The following MCC variants were observed in gnomAD, a reference collection of about 807,000 sequenced individuals.
The protein encoded by MCC is MCC regulator of Wnt signaling pathway.
Under a neutral mutation model 116.2 loss-of-function variants are expected in MCC, and 90 were observed. The ratio of observed to expected loss-of-function variants is 0.77; its 90% CI spans 0.65 to 0.92. MCC has a LOEUF of 0.92. MCC is among the 40% of genes least tolerant of loss of function. MCC has a pLI of 0.00. For missense variants in MCC, 1,516 were observed against 1,312.2 expected (o/e 1.16, Z -2.40); for synonymous variants, 578 against 510.5 (o/e 1.13, Z -1.78).
At chr5:113,068,003 G>A in intron 13 of MCC, 77 bp downstream of exon 13, 1 of 1,255,304 alleles carries the variant, frequency 8.0e-7, no homozygotes, top group Non-Finnish European at 1.2e-6. Flanking sequence ...ATGATTCAAT[G>A]CCAGTTGCTG....
At chr5:113,136,001 C>A (rs578262063) in intron 5 of MCC, among the ~76,000 whole-genome samples, 41 of 151,540 alleles carry the variant, frequency 2.7e-4, no homozygotes, top group Non-Finnish European at 5.5e-4. Context: ...GCCCAGATTG[C>A]GCCACTGCAC....
rs139429540 is a variant in MCC at position 113,343,590 on chromosome 5, C to T, written c.416-2860G>A. On this transcript the variant is annotated intron_variant, in intron 2 of 18. Coordinates refer to ENST00000408903, the MANE Select transcript of MCC (RefSeq NM_001085377.2). ...GTCACAGACGGACTTATATCTCATA[C>T]ATAAGACAAACAGACAGAGGGCTGG... Among the ~76,000 whole-genome samples, 234 of 152,306 alleles carry T rather than the reference C, an allele frequency of 1.5e-3. 2 individuals are homozygous for T. The highest frequency in any genetic ancestry group is 3.0e-3 in the Non-Finnish European group (201 of 68,014).
chr5:113,373,036 G>A (rs989796941), intron 2 of MCC, among the ~76,000 whole-genome samples: 4 of 151,948 alleles, frequency 2.6e-5, no homozygotes, highest in African/African-American at 9.7e-5. Context: ...AAAATTAGCC[G>A]GGCATGGTGG....
intron 3 of MCC, among the ~76,000 whole-genome samples, chr5:113,275,956 A>T (rs7729163): frequency 6.7e-6 from 1 of 148,220 alleles, no homozygotes; most frequent in African/African-American, 2.5e-5. Context: ...TCTAAAATTG[A>T]TTTCACTTGT....
intron 14 of MCC, among the ~76,000 whole-genome samples, chr5:113,061,323 G>C (rs1435946900): frequency 6.6e-6 from 1 of 152,184 alleles, no homozygotes; most frequent in African/African-American, 2.4e-5. Flanking sequence ...CAGTTCCTTT[G>C]TGGATTGAGA....
At chr5:113,204,166 G>T (rs571562032) in intron 3 of MCC, among the ~76,000 whole-genome samples, 38 of 152,248 alleles carry the variant, frequency 2.5e-4, no homozygotes, top group African/African-American at 9.1e-4. Context: ...TGGTCTTGAC[G>T]GTTTGCAAGA....
intron 2 of MCC, among the ~76,000 whole-genome samples, chr5:113,344,463 G>A (rs1201900998): frequency 1.3e-5 from 2 of 152,030 alleles, no homozygotes; most frequent in Admixed American, 6.6e-5. Context: ...TTGGCTAAGA[G>A]AGGGCTTGCA....
At chr5:113,203,596 C>T (rs975959576) in intron 3 of MCC, among the ~76,000 whole-genome samples, 30 of 152,118 alleles carry the variant, frequency 2.0e-4, no homozygotes, top group Non-Finnish European at 3.7e-4. Context: ...GATCACTTGG[C>T]GTGATTATTT....
At chr5:113,035,538 G>A (rs1456096053) in intron 17 of MCC, among the ~76,000 whole-genome samples, 2 of 152,200 alleles carry the variant, frequency 1.3e-5, no homozygotes, top group Non-Finnish European at 2.9e-5. Context: ...GGACCTCTAA[G>A]GCCCTGCTTG....
intron 3 of MCC, among the ~76,000 whole-genome samples, chr5:113,239,787 C>T (rs987474341): frequency 1.3e-5 from 2 of 152,054 alleles, no homozygotes; most frequent in Non-Finnish European, 2.9e-5. Context: ...GTCAGATTTC[C>T]CACGGTGAAC....
chr5:113,096,350 T>C (rs1246086815), intron 8 of MCC, among the ~76,000 whole-genome samples: 1 of 152,172 alleles, frequency 6.6e-6, no homozygotes, highest in African/African-American at 2.4e-5. Context: ...GCCAGGGTGC[T>C]ACACCCCATT....
intron 1 of MCC, among the ~76,000 whole-genome samples, chr5:113,393,957 T>C (rs942698437): frequency 1.3e-5 from 2 of 152,214 alleles, no homozygotes; most frequent in African/African-American, 4.8e-5. Flanking sequence ...ACAGATAATC[T>C]AATCTAAATC....
chr5:113,180,525 T>C (rs1761572681), intron 3 of MCC, among the ~76,000 whole-genome samples: 4 of 152,204 alleles, frequency 2.6e-5, no homozygotes, highest in African/African-American at 7.2e-5. Flanking sequence ...CAGGAGACTA[T>C]TCTTCTAGTT....
At chr5:113,096,196 G>T (rs1756004730) in intron 8 of MCC, among the ~76,000 whole-genome samples, 1 of 152,234 alleles carries the variant, frequency 6.6e-6, no homozygotes, top group Admixed American at 6.5e-5. Flanking sequence ...AAAGCCTGTA[G>T]CTCTTTCTCT....
intron 1 of MCC, among the ~76,000 whole-genome samples, chr5:113,464,707 G>C (rs1477517272): frequency 6.6e-6 from 1 of 151,732 alleles, no homozygotes; most frequent in Non-Finnish European, 1.5e-5. Context: ...AGAGTCACTA[G>C]TACATAGTAT....
chr5:113,081,013 T>C (rs1035951769), intron 11 of MCC, among the ~76,000 whole-genome samples: 3 of 152,178 alleles, frequency 2.0e-5, no homozygotes, highest in Non-Finnish European at 2.9e-5. Flanking sequence ...TAGCCTAGCA[T>C]ATAGCAGATG....
chr5:113,087,462 G>A (rs1755280023), intron 8 of MCC, among the ~76,000 whole-genome samples: 1 of 152,156 alleles, frequency 6.6e-6, no homozygotes, highest in Non-Finnish European at 1.5e-5. Context: ...TACAGGACTC[G>A]TTCTGAAATG....
intron 3 of MCC, among the ~76,000 whole-genome samples, chr5:113,201,083 G>C (rs1039405333): frequency 6.6e-6 from 1 of 152,208 alleles, no homozygotes; most frequent in Non-Finnish European, 1.5e-5. Context: ...CTTGGAACTG[G>C]AAATAAGAAA....
intron 2 of MCC, among the ~76,000 whole-genome samples, chr5:113,369,029 G>A (rs1163005442): frequency 6.6e-6 from 1 of 152,186 alleles, no homozygotes; most frequent in African/African-American, 2.4e-5. Context: ...AACAGATGAA[G>A]AGATGCATGG....
Sources: gnomAD v4.1 joint callset for allele counts (sites outside exome capture counted in the v4.1 genomes callset) on GRCh38, gnomAD v4.1.1 for gene constraint, MANE v1.5 for transcripts, NCBI Gene and HGNC (gene_info 2026-07-23, HGNC 2026-07-21) for gene names.